Variants in CSMD1 observed in about 807,000 individuals in gnomAD.
CSMD1 encodes the protein CUB and Sushi multiple domains 1, also known as CUB and sushi domain-containing protein 1.
CSMD1 carries 213 observed loss-of-function variants against 417.5 expected under a neutral mutation model. That is an observed-to-expected ratio of 0.51 (90% CI 0.46 to 0.57). The LOEUF (loss-of-function observed/expected upper bound fraction) is 0.57. Ranked by LOEUF, CSMD1 falls within the 20% of genes least tolerant of loss-of-function variation. The pLI, the probability that CSMD1 is intolerant of heterozygous loss-of-function variation, is 0.00. For missense variants in CSMD1, 6,923 were observed against 4,529.7 expected, an observed-to-expected ratio of 1.53 and a Z score of -15.17; for synonymous variants, 2,862 against 1,736.8, an observed-to-expected ratio of 1.65 and a Z score of -16.11.
chr8:4,054,691 G>C (rs1167786099), intron 3 of CSMD1, among the ~76,000 whole-genome samples: 1 of 152,116 alleles, frequency 6.6e-6, no homozygotes, highest in Non-Finnish European at 1.5e-5. Flanking sequence ...CTGAATACAT[G>C]TGAATTCCTG....
chr8:4,453,317 G>T (rs756702950), intron 2 of CSMD1, among the ~76,000 whole-genome samples: 1 of 151,932 alleles, frequency 6.6e-6, no homozygotes, highest in Non-Finnish European at 1.5e-5. Context: ...CTGTCCCCAA[G>T]AATTCAGACT....
At chr8:3,686,235 T>C (rs1257868384) in intron 7 of CSMD1, among the ~76,000 whole-genome samples, 1 of 152,176 alleles carries the variant, frequency 6.6e-6, no homozygotes, top group African/African-American at 2.4e-5. Context: ...AGTTACTGAC[T>C]TCGTGGATAA....
intron 29 of CSMD1, among the ~76,000 whole-genome samples, chr8:3,217,533 G>C (rs10108166): frequency 1.3e-5 from 2 of 151,952 alleles, no homozygotes; most frequent in Non-Finnish European, 1.5e-5. Flanking sequence ...GCATGATTTT[G>C]TTGGGGGCGT....
chr8:4,066,995 C>A (rs746753836), intron 3 of CSMD1, among the ~76,000 whole-genome samples: 1 of 152,258 alleles, frequency 6.6e-6, no homozygotes, highest in African/African-American at 2.4e-5. Context: ...AACTCCACAA[C>A]TGAGAAACAA....
intron 2 of CSMD1, among the ~76,000 whole-genome samples, chr8:4,476,921 A>G (rs183966175): frequency 6.6e-6 from 1 of 152,272 alleles, no homozygotes; most frequent in African/African-American, 2.4e-5. Context: ...GTGAAAAGAG[A>G]AAGAAATGAA....
intron 3 of CSMD1, among the ~76,000 whole-genome samples, chr8:4,310,733 G>T (rs929964658): frequency 2.6e-5 from 4 of 152,124 alleles, no homozygotes; most frequent in Non-Finnish European, 5.9e-5. Context: ...ATACCATGGA[G>T]AGAGTAGCTC....
intron 1 of CSMD1, among the ~76,000 whole-genome samples, chr8:4,975,177 T>C (rs147978853): frequency 2.3e-4 from 35 of 152,324 alleles, no homozygotes; most frequent in Non-Finnish European, 4.1e-4. Context: ...AAGGTCCTAC[T>C]GTTTTTAATT....
At chr8:4,442,288 T>C (rs1356536382) in intron 2 of CSMD1, among the ~76,000 whole-genome samples, 1 of 152,170 alleles carries the variant, frequency 6.6e-6, no homozygotes, top group Non-Finnish European at 1.5e-5. Context: ...AAAAAAATTA[T>C]TAAAAGTTAG....
intron 41 of CSMD1, among the ~76,000 whole-genome samples, chr8:3,138,416 T>C (rs534335398): frequency 6.6e-6 from 1 of 152,118 alleles, no homozygotes; most frequent in Non-Finnish European, 1.5e-5. Flanking sequence ...TCCAATTTCA[T>C]CACTGAAAGC....
At chr8:3,515,526 T>A (rs1797248435) in intron 10 of CSMD1, among the ~76,000 whole-genome samples, 2 of 152,200 alleles carry the variant, frequency 1.3e-5, no homozygotes, top group Non-Finnish European at 2.9e-5. Flanking sequence ...GGTTGGCAAC[T>A]GTTCAGGAGA....
At chr8:3,821,058 A>T (rs1265131740) in intron 5 of CSMD1, among the ~76,000 whole-genome samples, 1 of 151,946 alleles carries the variant, frequency 6.6e-6, no homozygotes, top group African/African-American at 2.4e-5. Context: ...CTGGGATTAC[A>T]GGTGTGTGCC....
At chr8:3,295,926 G>A (rs1346103039) in intron 25 of CSMD1, among the ~76,000 whole-genome samples, 2 of 152,036 alleles carry the variant, frequency 1.3e-5, no homozygotes, top group Non-Finnish European at 2.9e-5. Flanking sequence ...GCACCTCGAG[G>A]AACTTTGCAT....
chr8:4,448,318 G>T (rs1463018611), intron 2 of CSMD1, among the ~76,000 whole-genome samples: 1 of 152,142 alleles, frequency 6.6e-6, no homozygotes, highest in African/African-American at 2.4e-5. Context: ...GCCGATCTAG[G>T]AGGATTTTTA....
chr8:2,954,417 A>G (rs1422709542), intron 64 of CSMD1, 149 bp from the exon 65 acceptor site: 2 of 526,000 alleles, frequency 3.8e-6, no homozygotes, highest in African/African-American at 3.9e-5. Context: ...TTTTAAACTC[A>G]TGTCTTTACA....
intron 3 of CSMD1, among the ~76,000 whole-genome samples, chr8:4,173,415 C>T (rs1027114207): frequency 6.6e-6 from 1 of 151,864 alleles, no homozygotes; most frequent in South Asian, 2.1e-4. Context: ...AACGTGGTGA[C>T]TACAGAGGTA....
intron 1 of CSMD1, among the ~76,000 whole-genome samples, chr8:4,648,713 A>G (rs1803692030): frequency 6.6e-6 from 1 of 152,046 alleles, no homozygotes; most frequent in Non-Finnish European, 1.5e-5. Flanking sequence ...GCTTTTCCTC[A>G]GTGTCTTTGT....
At chr8:4,445,519 G>C (rs1265025405) in intron 2 of CSMD1, among the ~76,000 whole-genome samples, 2 of 152,090 alleles carry the variant, frequency 1.3e-5, no homozygotes, top group Non-Finnish European at 2.9e-5. Context: ...TACTTCATTG[G>C]TTTTGTTTTC....
intron 7 of CSMD1, among the ~76,000 whole-genome samples, chr8:3,621,977 T>TTGTGTG (rs761885907): frequency 8.0e-6 from 1 of 124,732 alleles, no homozygotes. Context: ...CTCTCTCTCT[T>TTGTGTG]TGTGTGTGTG....
At position 4,985,577 on chromosome 8, in the gene CSMD1, G is replaced by T. The variant is rs114026858; in HGVS notation, c.85+8755C>A. On this transcript the variant is annotated intron_variant, in intron 1 of 69. Coordinates refer to ENST00000635120, the MANE Select transcript of CSMD1 (RefSeq NM_033225.6). ...TTAAGGATCATATCAGACTAAAAAT[G>T]TGTATATCTTCCCTAAATCACAGTA... is the stretch of plus-strand genomic sequence containing the variant. Among the ~76,000 whole-genome samples, 1,294 of 152,264 alleles carry T rather than the reference G, an allele frequency of 8.5e-3. 17 individuals carry two copies. Among genetic ancestry groups the T allele is most frequent in the African/African-American group, 0.029 (1,224 of 41,550 alleles).
Sources: allele counts gnomAD v4.1 joint callset (sites outside exome capture counted in the v4.1 genomes callset), GRCh38; gene constraint gnomAD v4.1.1; transcripts MANE v1.5; gene names NCBI Gene and HGNC (gene_info 2026-07-23, HGNC 2026-07-21).